Variants in HMCN1 observed in about 807,000 individuals in gnomAD.
HMCN1 encodes hemicentin 1, also known as hemicentin-1.
A neutral mutation model predicts 625.9 loss-of-function variants in HMCN1; 321 were observed. The ratio of observed to expected loss-of-function variants is 0.51; its 90% confidence interval spans 0.47 to 0.56. The LOEUF (loss-of-function observed/expected upper bound fraction) is 0.56, where lower values mean the gene tolerates loss of function less well. HMCN1 is among the 20% of genes least tolerant of loss of function. The probability of loss-of-function intolerance (pLI) is 0.00; values close to 1 mark genes in which losing one functional copy is unlikely to be tolerated. For missense variants in HMCN1, 6,588 were observed against 6,887.3 expected (o/e 0.96, Z 1.54); for synonymous variants, 2,425 against 2,417.6 (o/e 1.00, Z -0.09).
At chr1:185,925,309 T>C (rs769593838) in intron 9 of HMCN1, 118 bp downstream of exon 9, 24 of 990,576 alleles carry the variant, frequency 2.4e-5, no homozygotes, top group African/African-American at 8.0e-5. Flanking sequence ...GTCTGGAATA[T>C]AGCAGTGAAC....
intron 4 of HMCN1, among the ~76,000 whole-genome samples, chr1:185,880,883 G>A (rs778587623): frequency 3.9e-5 from 6 of 152,232 alleles, no homozygotes; most frequent in Non-Finnish European, 8.8e-5. Context: ...ATCATGTGCA[G>A]GGTGGCCTTG....
rs1056444129 is a variant in HMCN1, at chr1:186,016,258, G to A, written c.5191+19G>A. 5 of 1,608,106 alleles carry A rather than the reference G, an allele frequency of 3.1e-6. No individual in the cohort carries two copies. The highest frequency in any genetic ancestry group is 4.3e-6 in the Non-Finnish European group (5 of 1,175,300). ...GTCTTGGGTAAATAAGGATGCCACT[G>A]CCTGGGTTCTCAGATTCATAGCAAA... is the stretch of plus-strand genomic sequence containing the variant. On this transcript the variant is annotated intron_variant, in intron 32 of 106. Coordinates refer to ENST00000271588, the MANE Select transcript of HMCN1 (RefSeq NM_031935.3).
At chr1:185,874,740 C>T (rs1393647827) in intron 4 of HMCN1, among the ~76,000 whole-genome samples, 1 of 151,794 alleles carries the variant, frequency 6.6e-6, no homozygotes, top group Admixed American at 6.6e-5. Context: ...GAATTCTAGT[C>T]ATAATTTTAA....
intron 99 of HMCN1, 82 bp downstream of exon 99, chr1:186,166,385 C>A (rs2102621730): frequency 6.5e-7 from 1 of 1,535,950 alleles, no homozygotes; most frequent in South Asian, 1.1e-5. Flanking sequence ...GACCCATTAT[C>A]TTCTTTCCTA....
chr1:185,849,105 A>G (rs926578184), intron 2 of HMCN1, among the ~76,000 whole-genome samples: 3 of 151,938 alleles, frequency 2.0e-5, no homozygotes, highest in African/African-American at 7.3e-5. Flanking sequence ...TGAGTGATCT[A>G]AGACCTTCCT....
At chr1:186,186,830 T>A (rs1359021302) in intron 105 of HMCN1, among the ~76,000 whole-genome samples, 1 of 152,150 alleles carries the variant, frequency 6.6e-6, no homozygotes, top group Non-Finnish European at 1.5e-5. Flanking sequence ...AAAACATTCG[T>A]GTATCACCAG....
chr1:185,757,667 C>T (rs1387003753), intron 1 of HMCN1, among the ~76,000 whole-genome samples: 1 of 152,024 alleles, frequency 6.6e-6, no homozygotes, highest in East Asian at 1.9e-4. Context: ...TTGTTTTCTT[C>T]CCCTAGAGTA....
At position 185,923,626 on chromosome 1, in the gene HMCN1, A is replaced by G. The variant is rs1197612501; in HGVS notation, c.1258A>G (p.Ser420Gly). ...TGATTACCTCTTCCAGAGAGTATCA[A>G]GTGTTTCCTTTTCTAGTATTGTCCC... is the stretch of plus-strand genomic sequence containing the variant. ...KDDYLFQRVS[S>G]VSFSSIVPDA... The change falls in exon 8 of 107, where the codon AGT (serine) becomes GGT (glycine). Residue 420 changes from serine to glycine, a missense_variant. Around this residue, in one of 3 missense-constraint regions of HMCN1, gnomAD observed 4,628 missense variants for 4,853.1 expected, o/e 0.95. Coordinates refer to ENST00000271588, the MANE Select transcript of HMCN1 (RefSeq NM_031935.3). The G allele has an allele frequency of 5.0e-6, 8 of 1,606,504 alleles. No individual in the cohort carries two copies. The highest frequency in any genetic ancestry group is 6.8e-6 in the Non-Finnish European group (8 of 1,177,372).
intron 1 of HMCN1, among the ~76,000 whole-genome samples, chr1:185,807,500 C>G (rs927621053): frequency 7.9e-5 from 12 of 152,190 alleles, no homozygotes; most frequent in African/African-American, 2.9e-4. Flanking sequence ...GTAATATACA[C>G]AGGAATACAC....
chr1:186,139,263 A>G (rs1172015745), intron 89 of HMCN1, among the ~76,000 whole-genome samples: 1 of 152,226 alleles, frequency 6.6e-6, no homozygotes, highest in Admixed American at 6.5e-5. Flanking sequence ...TTTAAATCGT[A>G]GGTATCTGGA....
chr1:185,749,822 A>G (rs1401421864), intron 1 of HMCN1, among the ~76,000 whole-genome samples: 1 of 152,158 alleles, frequency 6.6e-6, no homozygotes. Flanking sequence ...TGATGTCCTT[A>G]TTCACATCAC....
intron 1 of HMCN1, among the ~76,000 whole-genome samples, chr1:185,802,925 T>C (rs371080630): frequency 2.6e-5 from 4 of 151,966 alleles, no homozygotes; most frequent in African/African-American, 9.7e-5. Context: ...TTATAAATTG[T>C]AGAAACTTGA....
At chr1:185,813,650 T>C (rs2102251099) in intron 1 of HMCN1, among the ~76,000 whole-genome samples, 1 of 152,284 alleles carries the variant, frequency 6.6e-6, no homozygotes, top group Middle Eastern at 3.4e-3. Flanking sequence ...AAAATCCTAG[T>C]AGAAACTTTT....
intron 1 of HMCN1, among the ~76,000 whole-genome samples, chr1:185,743,391 G>A (rs896454632): frequency 6.6e-6 from 1 of 152,166 alleles, no homozygotes. Flanking sequence ...TGAAATGGAA[G>A]GCTAATTATG....
intron 22 of HMCN1, 49 bp from the exon 23 acceptor site, chr1:185,993,133 A>C: frequency 6.4e-7 from 1 of 1,574,614 alleles, no homozygotes; most frequent in Non-Finnish European, 8.7e-7. Flanking sequence ...CATAGGGGAT[A>C]TTTAAATTCT....
intron 4 of HMCN1, among the ~76,000 whole-genome samples, chr1:185,869,288 C>T (rs1333252548): frequency 2.0e-5 from 3 of 152,086 alleles, no homozygotes; most frequent in African/African-American, 7.2e-5. Flanking sequence ...CTGTGAGTCC[C>T]AGTTTCCCTG....
chr1:186,030,015 T>G (rs1655319662), intron 36 of HMCN1, among the ~76,000 whole-genome samples: 1 of 152,144 alleles, frequency 6.6e-6, no homozygotes, highest in South Asian at 2.1e-4. Context: ...CACATATTTG[T>G]GAAGTTCCCA....
chr1:185,967,681 G>A (rs1470132447), intron 14 of HMCN1, among the ~76,000 whole-genome samples: 3 of 151,820 alleles, frequency 2.0e-5, no homozygotes, highest in Non-Finnish European at 4.4e-5. Flanking sequence ...GCCTCAAAAT[G>A]GAGGGGGTTA....
intron 63 of HMCN1, 62 bp from the exon 64 acceptor site, chr1:186,090,696 C>T: frequency 6.4e-7 from 1 of 1,569,494 alleles, no homozygotes; most frequent in East Asian, 2.3e-5. Flanking sequence ...TTTTATGACT[C>T]TGTTACATTA....
Sources: gnomAD v4.1 joint callset for allele counts (sites outside exome capture counted in the v4.1 genomes callset) on GRCh38, gnomAD v4.1.1 for gene constraint, gnomAD v4.1.1 regional missense constraint, MANE v1.5 for transcripts, NCBI Gene and HGNC (gene_info 2026-07-23, HGNC 2026-07-21) for gene names.